Variants in SMOC2 observed in about 807,000 individuals in gnomAD.
The protein encoded by SMOC2 is SPARC-related modular calcium-binding protein 2.
Under a neutral mutation model 61.4 loss-of-function variants are expected in SMOC2, and 39 were observed. The observed-to-expected ratio is 0.64, with a 90% CI of 0.49 to 0.83. The LOEUF (loss-of-function observed/expected upper bound fraction) is 0.83. Among genes scored for constraint, SMOC2 ranks in the 40% least tolerant of loss-of-function variants. The pLI, the probability that SMOC2 is intolerant of heterozygous loss-of-function variation, is 0.00. For synonymous variants in SMOC2, 247 were observed against 239.9 expected (o/e 1.03, Z -0.27); for missense variants, 556 against 592.9 (o/e 0.94, Z 0.65).
rs141155871 is a variant in SMOC2, at chr6:168,532,029, G to GTCCA, written c.463+4303_463+4306dup. On this transcript the variant is annotated intron_variant, in intron 4 of 12. Coordinates refer to ENST00000356284, the MANE Select transcript of SMOC2 (RefSeq NM_001166412.2). ...AGCCGGCTCTCGGAGACGTATCCAA[G>GTCCA]TCCACTTCATGTTCTGCGCTGCTGA... Among the ~76,000 whole-genome samples, 125 of 152,322 alleles carry GTCCA rather than the reference G, an allele frequency of 8.2e-4. 1 individual carries two copies. The highest frequency in any genetic ancestry group is 6.8e-3 in the Middle Eastern group (2 of 294).
chr6:168,528,707 C>T (rs1242060918), intron 4 of SMOC2, among the ~76,000 whole-genome samples: 3 of 152,148 alleles, frequency 2.0e-5, no homozygotes, highest in African/African-American at 4.8e-5. Flanking sequence ...ATGTTTCCAG[C>T]GACTGGCCAT....
At chr6:168,518,490 AGTGTGCAT>A (rs1783208623) in intron 2 of SMOC2, among the ~76,000 whole-genome samples, 2 of 74,656 alleles carry the variant, frequency 2.7e-5, no homozygotes, top group South Asian at 9.1e-4. Flanking sequence ...TACATATGTG[AGTGTGCAT>A]GTGTGAATGT....
chr6:168,608,114 C>G lies in SMOC2; in HGVS notation c.825-43C>G, dbSNP rs372552733. ...GACAAACCACAGCTGGTCTCAAGCC[C>G]GTTGTTTTCTCTCTCCTTCCCCCGC... On this transcript the variant is annotated intron_variant, in intron 8 of 12. Coordinates refer to ENST00000356284, the MANE Select transcript of SMOC2 (RefSeq NM_001166412.2). 3.6e-5 allele frequency: 57 copies of G among 1,568,658 alleles called. No homozygotes were observed. In the South Asian group the frequency reaches 6.0e-4, roughly 16 times the overall value.
At chr6:168,615,068 T>C (rs1372834823) in intron 9 of SMOC2, among the ~76,000 whole-genome samples, 5 of 77,090 alleles carry the variant, frequency 6.5e-5, no homozygotes, top group Middle Eastern at 8.1e-3. Context: ...GGCCTCTTCA[T>C]ACTTACAGCC....
chr6:168,468,087 G>T (rs1219476933), intron 1 of SMOC2, among the ~76,000 whole-genome samples: 3 of 152,122 alleles, frequency 2.0e-5, no homozygotes, highest in African/African-American at 7.2e-5. Flanking sequence ...AACTCAGGGG[G>T]GCTCTGAGGT....
intron 1 of SMOC2, among the ~76,000 whole-genome samples, chr6:168,442,422 G>T (rs986676884): frequency 6.6e-6 from 1 of 152,262 alleles, no homozygotes; most frequent in African/African-American, 2.4e-5. Flanking sequence ...CCAAGGCCGG[G>T]TGTCTGCAGC....
At chr6:168,455,963 C>T (rs930614301) in intron 1 of SMOC2, among the ~76,000 whole-genome samples, 9 of 152,154 alleles carry the variant, frequency 5.9e-5, no homozygotes, top group Non-Finnish European at 7.3e-5. Context: ...ATTTCCCGGT[C>T]TGTTCCTGTG....
chr6:168,563,929 G>A (rs1784484482), intron 7 of SMOC2, among the ~76,000 whole-genome samples: 1 of 152,000 alleles, frequency 6.6e-6, no homozygotes, highest in South Asian at 2.1e-4. Context: ...GCGGGGGCGG[G>A]TGCTCACCTG....
chr6:168,540,755 C>G (rs1015715094), intron 4 of SMOC2, among the ~76,000 whole-genome samples: 5 of 152,128 alleles, frequency 3.3e-5, no homozygotes, highest in African/African-American at 9.7e-5. Context: ...CCTTGCTGTT[C>G]CCTTTTCTTT....
rs189644521 is a variant in SMOC2 at position 168,488,357 on chromosome 6, G to C, written c.85-21558G>C. Reference sequence around the variant, plus strand: ...GTTTTCTCTTCTTATGAGGGTGCTAGTTGCATGAGTTTGCTGGACTGCTGT... The same window carrying C: ...GTTTTCTCTTCTTATGAGGGTGCTACTTGCATGAGTTTGCTGGACTGCTGT... On this transcript the variant is annotated intron_variant, in intron 1 of 12. Transcript: ENST00000356284. Among the ~76,000 whole-genome samples the C allele has an allele frequency of 3.2e-4, 48 of 152,334 alleles. No homozygotes were observed. The East Asian group carries it at 5.2e-3, about 17-fold the overall frequency.
chr6:168,508,662 C>T (rs1280517068), intron 1 of SMOC2, among the ~76,000 whole-genome samples: 2 of 152,146 alleles, frequency 1.3e-5, no homozygotes, highest in African/African-American at 4.8e-5. Flanking sequence ...TTGATGAGGG[C>T]CCCCCAGCTT....
intron 12 of SMOC2, 109 bp from the exon 13 acceptor site, chr6:168,666,312 C>T: frequency 7.8e-7 from 1 of 1,279,558 alleles, no homozygotes; most frequent in Non-Finnish European, 1.1e-6. Flanking sequence ...ACATGACCTG[C>T]CCAGCCCTCT....
intron 7 of SMOC2, among the ~76,000 whole-genome samples, chr6:168,550,309 G>T (rs777424512): frequency 1.3e-5 from 2 of 152,116 alleles, no homozygotes; most frequent in Non-Finnish European, 2.9e-5. Context: ...TTTATCTGTG[G>T]TTATGCATCC....
At chr6:168,646,280 G>A (rs189540828) in intron 9 of SMOC2, among the ~76,000 whole-genome samples, 1 of 152,150 alleles carries the variant, frequency 6.6e-6, no homozygotes, top group Non-Finnish European at 1.5e-5. Flanking sequence ...CCAGACCCAC[G>A]ATTGTGCCAG....
rs537330458 is a variant in SMOC2 at position 168,442,127 on chromosome 6, C to T, written c.84+673C>T. Among the ~76,000 whole-genome samples the T allele has an allele frequency of 4.6e-5, 7 of 152,366 alleles. No homozygotes were observed. The South Asian group carries it at 1.4e-3, about 32-fold the overall frequency. ...AGGTTACAGATGATTCTTCACGGGC[C>T]TGAGTGTTATTAGAGAAGCGCTTTC... On this transcript the variant is annotated intron_variant, in intron 1 of 12. Coordinates refer to ENST00000356284, the MANE Select transcript of SMOC2 (RefSeq NM_001166412.2).
intron 3 of SMOC2, 40 bp from the exon 4 acceptor site, chr6:168,527,588 C>T (rs372698613): frequency 3.8e-5 from 55 of 1,459,116 alleles, no homozygotes; most frequent in East Asian, 1.2e-4. Flanking sequence ...CGCTGCGCCA[C>T]GGGCCCGGGA....
At chr6:168,664,278 C>T (rs1232988469) in intron 12 of SMOC2, 167 bp downstream of exon 12, 1 of 678,104 alleles carries the variant, frequency 1.5e-6, no homozygotes, top group Non-Finnish European at 2.6e-6. Flanking sequence ...GGGACTAAAG[C>T]AGCCTTGCCG....
intron 1 of SMOC2, among the ~76,000 whole-genome samples, chr6:168,490,284 G>T (rs990871527): frequency 1.3e-5 from 2 of 151,550 alleles, no homozygotes; most frequent in Non-Finnish European, 2.9e-5. Flanking sequence ...ATATCAAATC[G>T]TCTGGGTCCC....
At chr6:168,565,955 A>G (rs952061710) in intron 7 of SMOC2, among the ~76,000 whole-genome samples, 1 of 152,240 alleles carries the variant, frequency 6.6e-6, no homozygotes, top group Non-Finnish European at 1.5e-5. Flanking sequence ...TACTGGCTGA[A>G]GACAAAGTGA....
Sources: allele counts gnomAD v4.1 joint callset (sites outside exome capture counted in the v4.1 genomes callset), GRCh38; gene constraint gnomAD v4.1.1; transcripts MANE v1.5; gene names NCBI Gene and HGNC (gene_info 2026-07-23, HGNC 2026-07-21).